The following UST variants were observed in gnomAD, a reference collection of about 807,000 sequenced individuals.
UST encodes the protein chondroitin sulfate 2-O-sulfotransferase.
A neutral mutation model predicts 45.6 loss-of-function variants in UST; 21 were observed. That is an observed-to-expected ratio of 0.46 (90% CI 0.33 to 0.66). UST has a LOEUF of 0.66. Ranked by LOEUF, UST falls within the 30% of genes least tolerant of loss-of-function variation. The probability of loss-of-function intolerance (pLI) is 0.02; values close to 1 mark genes in which losing one functional copy is unlikely to be tolerated. For missense variants in UST, 463 were observed against 512.4 expected, an observed-to-expected ratio of 0.90 and a Z score of 0.93; for synonymous variants, 215 against 200.6, an observed-to-expected ratio of 1.07 and a Z score of -0.61.
chr6:149,068,972 A>G (rs1232016986), intron 7 of UST, among the ~76,000 whole-genome samples: 2 of 152,174 alleles, frequency 1.3e-5, no homozygotes, highest in Admixed American at 6.5e-5. Flanking sequence ...TAGCTCCCAT[A>G]TATGAGTGAA....
intron 4 of UST, among the ~76,000 whole-genome samples, chr6:148,954,384 T>C (rs978713718): frequency 6.6e-6 from 1 of 152,250 alleles, no homozygotes; most frequent in Non-Finnish European, 1.5e-5. Flanking sequence ...TGTCTGTCTT[T>C]TTAATACAAT....
chr6:148,858,433 C>T (rs2114796113), intron 1 of UST, among the ~76,000 whole-genome samples: 1 of 151,764 alleles, frequency 6.6e-6, no homozygotes, highest in East Asian at 1.9e-4. Flanking sequence ...TCTGCCTCTC[C>T]AGTCCACTGA....
chr6:148,814,501 GA>G (rs899489677), intron 1 of UST, among the ~76,000 whole-genome samples: 2 of 152,038 alleles, frequency 1.3e-5, no homozygotes, highest in Non-Finnish European at 2.9e-5. Flanking sequence ...ATCATGCCAA[GA>G]GGGCCTTTGA....
chr6:148,868,487 T>C (rs2114811822), intron 1 of UST, among the ~76,000 whole-genome samples: 1 of 152,266 alleles, frequency 6.6e-6, no homozygotes, highest in Middle Eastern at 3.4e-3. Context: ...GAAAAGACCG[T>C]GAATATTTCT....
At chr6:149,058,377 G>T (rs1562342428) in intron 7 of UST, among the ~76,000 whole-genome samples, 2 of 151,598 alleles carry the variant, frequency 1.3e-5, no homozygotes, top group African/African-American at 4.9e-5. Flanking sequence ...GTGTGTGTGT[G>T]TGTGTGTGTG....
intron 1 of UST, among the ~76,000 whole-genome samples, chr6:148,804,748 T>C (rs1777115399): frequency 6.6e-6 from 1 of 151,782 alleles, no homozygotes. Flanking sequence ...ATAAAATCAA[T>C]ATTTAATGGG....
chr6:148,851,041 G>A (rs189139355), intron 1 of UST, among the ~76,000 whole-genome samples: 278 of 152,312 alleles, frequency 1.8e-3, no homozygotes, highest in Middle Eastern at 0.017. Context: ...ACTCACCCTT[G>A]TGAAGCTGAT....
chr6:148,867,682 T>C lies in UST; in HGVS notation c.248-19304T>C, dbSNP rs150493603. Among the ~76,000 whole-genome samples the C allele has an allele frequency of 8.1e-3, 1,239 of 152,294 alleles. 9 individuals are homozygous for C. The highest frequency in any genetic ancestry group is 0.024 in the Middle Eastern group (7 of 294). ...TGCTCTCATCTGCCACCATGTAAGA[T>C]GTGCCTTTCACCTTCCGCCCTGATT... On this transcript the variant is annotated intron_variant, in intron 1 of 7. Transcript: ENST00000367463.
chr6:148,962,877 G>A (rs933404103), intron 4 of UST, among the ~76,000 whole-genome samples: 1 of 152,214 alleles, frequency 6.6e-6, no homozygotes, highest in Non-Finnish European at 1.5e-5. Context: ...CACAGAAAAG[G>A]ATGGGGGCTT....
At chr6:149,007,866 A>G (rs1775743414) in intron 5 of UST, among the ~76,000 whole-genome samples, 1 of 151,814 alleles carries the variant, frequency 6.6e-6, no homozygotes, top group African/African-American at 2.4e-5. Context: ...TTTGTATTTC[A>G]TTTTTCTTTC....
At chr6:149,017,797 T>TACACACACAC (rs1327763227) in intron 5 of UST, among the ~76,000 whole-genome samples, 21 of 59,452 alleles carry the variant, frequency 3.5e-4, no homozygotes, top group African/African-American at 1.3e-3. Flanking sequence ...AATATCCATA[T>TACACACACAC]ATACACACAC....
chr6:148,852,715 T>C (rs1330601091), intron 1 of UST, among the ~76,000 whole-genome samples: 1 of 152,156 alleles, frequency 6.6e-6, no homozygotes, highest in African/African-American at 2.4e-5. Context: ...ATCTTTTTTA[T>C]TGAAGCTCAG....
chr6:148,762,238 G>A (rs1191832792), intron 1 of UST, among the ~76,000 whole-genome samples: 4 of 152,184 alleles, frequency 2.6e-5, no homozygotes. Flanking sequence ...CTTTTCACCT[G>A]GGCAAAGGAT....
chr6:149,003,022 A>AT (rs1413465979), intron 5 of UST, among the ~76,000 whole-genome samples: 1 of 152,226 alleles, frequency 6.6e-6, no homozygotes, highest in African/African-American at 2.4e-5. Flanking sequence ...TCATAATGTA[A>AT]TTAAAGAATC....
chr6:148,750,234 CTA>C (rs1411719333), intron 1 of UST, among the ~76,000 whole-genome samples: 3 of 152,164 alleles, frequency 2.0e-5, no homozygotes, highest in Non-Finnish European at 4.4e-5. Flanking sequence ...ATACAATATT[CTA>C]TGTCTGACAC....
At chr6:148,870,835 C>A (rs957664404) in intron 1 of UST, among the ~76,000 whole-genome samples, 4 of 152,186 alleles carry the variant, frequency 2.6e-5, no homozygotes, top group African/African-American at 9.7e-5. Flanking sequence ...ACATACATCA[C>A]TCTGTATTTA....
chr6:149,070,915 A>C (rs550430260), intron 7 of UST, among the ~76,000 whole-genome samples: 10 of 151,478 alleles, frequency 6.6e-5, no homozygotes, highest in African/African-American at 2.4e-4. Flanking sequence ...CTACAGGTGC[A>C]TGCCACCACG....
intron 2 of UST, among the ~76,000 whole-genome samples, chr6:148,917,629 CTG>C (rs1425039552): frequency 2.6e-5 from 4 of 152,240 alleles, no homozygotes; most frequent in African/African-American, 4.8e-5. Context: ...TATTACGACA[CTG>C]TACTCAAAAT....
intron 1 of UST, among the ~76,000 whole-genome samples, chr6:148,878,373 A>G: frequency 3.8e-5 from 1 of 26,552 alleles, no homozygotes; most frequent in Non-Finnish European, 6.5e-5. Flanking sequence ...ATCGTGTACG[A>G]GTGCGGGGGG....
Sources: gnomAD v4.1 joint callset for allele counts (sites outside exome capture counted in the v4.1 genomes callset) on GRCh38, gnomAD v4.1.1 for gene constraint, MANE v1.5 for transcripts, NCBI Gene and HGNC (gene_info 2026-07-23, HGNC 2026-07-21) for gene names.